The following CEP63 variants were observed in gnomAD, a reference collection of about 807,000 sequenced individuals.
CEP63 encodes centrosomal protein 63.
Under a neutral mutation model 89.1 loss-of-function variants are expected in CEP63, and 84 were observed. That is an observed-to-expected ratio of 0.94 (90% CI 0.79 to 1.13). The LOEUF is 1.13. Among genes scored for constraint, CEP63 ranks in the 50% most tolerant of loss-of-function variants. CEP63 has a pLI of 0.00. For synonymous variants in CEP63, 267 were observed against 272.5 expected, an observed-to-expected ratio of 0.98 and a Z score of 0.20; for missense variants, 838 against 813.3, an observed-to-expected ratio of 1.03 and a Z score of -0.37.
chr3:134,773,468 A>G, the CEP63 span, among the ~76,000 whole-genome samples: 2 of 152,206 alleles, frequency 1.3e-5, no homozygotes, highest in Admixed American at 6.5e-5. Context: ...AGACACAGCT[A>G]TTCCTAGAGG....
At chr3:134,771,527 T>C in the CEP63 span, among the ~76,000 whole-genome samples, 2 of 150,624 alleles carry the variant, frequency 1.3e-5, no homozygotes, top group Admixed American at 6.7e-5. Flanking sequence ...GCCTGATAAT[T>C]TGCATTCCTA....
the CEP63 span, among the ~76,000 whole-genome samples, chr3:134,766,446 G>T: frequency 6.6e-6 from 1 of 152,334 alleles, no homozygotes; most frequent in Admixed American, 6.5e-5. Flanking sequence ...CTTGCCCAGT[G>T]CCTGGGACAG....
chr3:134,648,379 C>T, the CEP63 span, among the ~76,000 whole-genome samples: 1 of 152,174 alleles, frequency 6.6e-6, no homozygotes, highest in Non-Finnish European at 1.5e-5. Flanking sequence ...CAGTGACTTA[C>T]CACTTGGAAC....
chr3:134,716,705 G>C, the CEP63 span, among the ~76,000 whole-genome samples: 2 of 152,122 alleles, frequency 1.3e-5, no homozygotes, highest in East Asian at 3.8e-4. Context: ...TGTTGGTACT[G>C]TCTTCGGAGT....
At chr3:134,585,286 T>A (rs1279691024) in intron 10 of CEP63, among the ~76,000 whole-genome samples, 1 of 152,120 alleles carries the variant, frequency 6.6e-6, no homozygotes, top group African/African-American at 2.4e-5. Context: ...TGTTAGGGTG[T>A]CAATTTTAGA....
the CEP63 span, chr3:134,651,294 T>A: frequency 1.2e-5 from 14 of 1,187,498 alleles, no homozygotes; most frequent in Non-Finnish European, 1.5e-5. Flanking sequence ...TCCCGCCCGG[T>A]GCACTTGAAG....
At position 134,570,351 on chromosome 3, in the gene CEP63, C is replaced by T. The variant is rs534612779; in HGVS notation, c.1330-4442C>T. On this transcript the variant is annotated intron_variant, in intron 11 of 11. Transcript: ENST00000354446. ...TTTAAAACAATGCTTTTAACAGCAC[C>T]CAAGTCACCTGTTGAATGCTTTGCT... Among the ~76,000 whole-genome samples the T allele has an allele frequency of 1.6e-4, 24 of 152,284 alleles. 2 individuals carry two copies. In the South Asian group the frequency reaches 4.8e-3, roughly 30 times the overall value.
At chr3:134,552,744 A>G (rs1249346098) in intron 12 of CEP63, 1 of 152,078 alleles carries the variant, frequency 6.6e-6, no homozygotes, top group East Asian at 1.9e-4. Flanking sequence ...TTTTATTTCT[A>G]CAAGATATTC....
At chr3:134,651,204 C>A in the CEP63 span, 1 of 1,323,080 alleles carries the variant, frequency 7.6e-7, no homozygotes, top group Non-Finnish European at 9.7e-7. Flanking sequence ...AGGAAATCCC[C>A]GGGCCCAAGC....
chr3:134,675,163 T>G, the CEP63 span, among the ~76,000 whole-genome samples: 2 of 152,350 alleles, frequency 1.3e-5, no homozygotes, highest in South Asian at 4.1e-4. Context: ...TAACCAATAC[T>G]GTGTAGTCTG....
the CEP63 span, among the ~76,000 whole-genome samples, chr3:134,602,757 G>A: frequency 0.012 from 1,830 of 152,252 alleles, 32 homozygotes; most frequent in African/African-American, 0.04. Context: ...TACCTGCCCT[G>A]TGTACTCCTC....
the CEP63 span, among the ~76,000 whole-genome samples, chr3:134,689,478 G>T: frequency 7.1e-6 from 1 of 141,216 alleles, no homozygotes; most frequent in Non-Finnish European, 1.6e-5. Context: ...TTGAGACAGG[G>T]TCTTGTTCTG....
At chr3:134,687,772 C>T in the CEP63 span, among the ~76,000 whole-genome samples, 1 of 152,220 alleles carries the variant, frequency 6.6e-6, no homozygotes, top group East Asian at 1.9e-4. Context: ...TGGCCCCACA[C>T]CTGTGGCAGG....
chr3:134,643,494 C>G, the CEP63 span: 3 of 770,274 alleles, frequency 3.9e-6, no homozygotes, highest in Non-Finnish European at 6.6e-6. Flanking sequence ...AGCACATCCC[C>G]AGGCCTAAAT....
At chr3:134,557,065 C>A (rs372020400) in intron 12 of CEP63, among the ~76,000 whole-genome samples, 1 of 152,120 alleles carries the variant, frequency 6.6e-6, no homozygotes, top group Non-Finnish European at 1.5e-5. Flanking sequence ...GCTGAAGTTA[C>A]TTGTACAAAT....
chr3:134,667,889 G>C, the CEP63 span, among the ~76,000 whole-genome samples: 1 of 152,230 alleles, frequency 6.6e-6, no homozygotes, highest in African/African-American at 2.4e-5. Context: ...AGATGATACA[G>C]AGCAAAGTAG....
chr3:134,732,436 G>A, the CEP63 span, among the ~76,000 whole-genome samples: 1 of 152,072 alleles, frequency 6.6e-6, no homozygotes, highest in South Asian at 2.1e-4. Context: ...ATGATAAAAT[G>A]TGAGAAGAAA....
chr3:134,730,700 G>A, the CEP63 span, among the ~76,000 whole-genome samples: 2 of 151,550 alleles, frequency 1.3e-5, no homozygotes, highest in African/African-American at 2.4e-5. Context: ...AATAGTAAAA[G>A]CAAGGTAACT....
At chr3:134,604,178 T>C in the CEP63 span, 4 of 1,610,554 alleles carry the variant, frequency 2.5e-6, no homozygotes, top group South Asian at 4.4e-5. Flanking sequence ...GGCTTCATGA[T>C]GCCCATCTGC....
Sources: gnomAD v4.1 joint callset for allele counts (sites outside exome capture counted in the v4.1 genomes callset) on GRCh38, gnomAD v4.1.1 for gene constraint, MANE v1.5 for transcripts, NCBI Gene and HGNC (gene_info 2026-07-23, HGNC 2026-07-21) for gene names.